Variants in ARHGAP20 observed in about 807,000 individuals in gnomAD.
ARHGAP20 encodes Rho GTPase activating protein 20, also known as rho GTPase-activating protein 20.
ARHGAP20 carries 34 observed loss-of-function variants against 73.7 expected under a neutral mutation model. The ratio of observed to expected loss-of-function variants is 0.46; its 90% CI spans 0.35 to 0.61. The LOEUF (loss-of-function observed/expected upper bound fraction) is 0.61. Ranked by LOEUF, ARHGAP20 falls within the 20% of genes least tolerant of loss-of-function variation. The pLI, the probability that ARHGAP20 is intolerant of heterozygous loss-of-function variation, is 0.00. For synonymous variants in ARHGAP20, 523 were observed against 518.2 expected, an observed-to-expected ratio of 1.01 and a Z score of -0.13; for missense variants, 1,314 against 1,420.9, an observed-to-expected ratio of 0.92 and a Z score of 1.21.
At chr11:110,675,710 G>A (rs373630059) in intron 2 of ARHGAP20, among the ~76,000 whole-genome samples, 25 of 152,180 alleles carry the variant, frequency 1.6e-4, no homozygotes, top group African/African-American at 4.3e-4. Context: ...AACAGGCCAC[G>A]GACCAATACC....
At chr11:110,678,376 C>T (rs1949974004) in intron 2 of ARHGAP20, among the ~76,000 whole-genome samples, 3 of 152,192 alleles carry the variant, frequency 2.0e-5, no homozygotes, top group Non-Finnish European at 4.4e-5. Flanking sequence ...ACTGTATCTC[C>T]ATAAAGATGT....
chr11:110,590,848 C>T (rs758461485), intron 10 of ARHGAP20, 39 bp from the exon 11 acceptor site: 1 of 1,584,646 alleles, frequency 6.3e-7, no homozygotes, highest in Non-Finnish European at 8.6e-7. Context: ...AATGACACTT[C>T]CACACACACA....
At chr11:110,712,559 T>G, upstream of ARHGAP20, 1 of 152,606 alleles carries the variant, frequency 6.6e-6, no homozygotes, top group Admixed American at 6.6e-5. Context: ...GCCTGGGCCC[T>G]CCTAGCCTCG....
At chr11:110,595,398 G>T (rs1018875420) in intron 9 of ARHGAP20, among the ~76,000 whole-genome samples, 1 of 152,128 alleles carries the variant, frequency 6.6e-6, no homozygotes, top group African/African-American at 2.4e-5. Flanking sequence ...AAAACCCCAT[G>T]GTCTCAGCCC....
At chr11:110,623,404 G>C (rs1948670445) in intron 4 of ARHGAP20, among the ~76,000 whole-genome samples, 1 of 152,176 alleles carries the variant, frequency 6.6e-6, no homozygotes, top group Non-Finnish European at 1.5e-5. Flanking sequence ...GAACTGGACA[G>C]TGCCAATAAA....
At chr11:110,627,247 C>T (rs1395233785) in intron 3 of ARHGAP20, among the ~76,000 whole-genome samples, 1 of 152,030 alleles carries the variant, frequency 6.6e-6, no homozygotes, top group African/African-American at 2.4e-5. Flanking sequence ...TGCCACTACG[C>T]CCGGCTAATT....
intron 1 of ARHGAP20, among the ~76,000 whole-genome samples, chr11:110,706,252 G>C (rs1415576855): frequency 2.0e-5 from 3 of 152,130 alleles, no homozygotes; most frequent in Non-Finnish European, 2.9e-5. Flanking sequence ...GTTGAAAAGA[G>C]AAATGGAGTT....
chr11:110,578,931 C>A lies in ARHGAP20; in HGVS notation c.*439G>T. 1 of 987,130 alleles carries A rather than the reference C, an allele frequency of 1.0e-6. No individual in the cohort carries two copies. The highest frequency in any genetic ancestry group is 1.2e-6 in the Non-Finnish European group (1 of 831,032). The allele number at this position is 987,130 out of a possible 1,614,324, so 61.1% of individuals were successfully genotyped here. A position where few individuals can be genotyped will look rare whatever the true frequency, so the allele number is the denominator to read the frequency against. ...TAATGCTTTGATTAGTGGCATTTTT[C>A]TTGCCTACTTATTAAAAACATTCCA... On this transcript the variant is annotated 3_prime_UTR_variant, in exon 15 of 15. Coordinates refer to ENST00000683387, the MANE Select transcript of ARHGAP20 (RefSeq NM_001384657.1).
chr11:110,669,757 C>T (rs971287645), intron 2 of ARHGAP20, among the ~76,000 whole-genome samples: 8 of 152,010 alleles, frequency 5.3e-5, no homozygotes, highest in Non-Finnish European at 8.8e-5. Context: ...TTTGGCAGTT[C>T]GTAATATATA....
intron 9 of ARHGAP20, among the ~76,000 whole-genome samples, chr11:110,604,255 C>T (rs1948172358): frequency 6.6e-6 from 1 of 152,146 alleles, no homozygotes; most frequent in African/African-American, 2.4e-5. Context: ...TAGTGGTTCA[C>T]CTGTAATTTT....
At chr11:110,598,744 T>C (rs562976741) in intron 9 of ARHGAP20, among the ~76,000 whole-genome samples, 86 of 152,218 alleles carry the variant, frequency 5.6e-4, no homozygotes, top group African/African-American at 2.0e-3. Context: ...GCAGGATTCA[T>C]GAAGCTGGCA....
rs189209476 is a variant in ARHGAP20 at position 110,702,058 on chromosome 11, C to T, written c.105+10069G>A. Reference sequence around the variant, plus strand: ...TTCTTTTGGCTTAGGATTGACTTGGCGATGCGGGCTCTTTTTTGGTTCCAT... The same window carrying T: ...TTCTTTTGGCTTAGGATTGACTTGGTGATGCGGGCTCTTTTTTGGTTCCAT... On this transcript the variant is annotated intron_variant, in intron 1 of 14. Transcript: ENST00000683387. Among the ~76,000 whole-genome samples the T allele has an allele frequency of 1.4e-3, 220 of 152,044 alleles. No homozygotes were observed. In the East Asian group the frequency reaches 0.022, roughly 15 times the overall value.
chr11:110,589,553 C>A, intron 11 of ARHGAP20: 1 of 985,424 alleles, frequency 1.0e-6, no homozygotes, highest in Non-Finnish European at 1.2e-6. Context: ...GCATTCCAAT[C>A]CTTTGGGAGG....
At chr11:110,646,851 T>C (rs936456991) in intron 2 of ARHGAP20, among the ~76,000 whole-genome samples, 15 of 151,976 alleles carry the variant, frequency 9.9e-5, no homozygotes, top group Admixed American at 1.3e-4. Context: ...CTGAGTGAGA[T>C]AGGAAGAGGG....
intron 9 of ARHGAP20, among the ~76,000 whole-genome samples, chr11:110,598,017 T>G (rs891172944): frequency 2.0e-5 from 3 of 152,228 alleles, no homozygotes; most frequent in Non-Finnish European, 4.4e-5. Flanking sequence ...CTGGCAAGAT[T>G]CAAGTTAGTG....
intron 2 of ARHGAP20, among the ~76,000 whole-genome samples, chr11:110,670,180 TCA>T (rs1387181197): frequency 4.6e-5 from 7 of 152,076 alleles, no homozygotes; most frequent in African/African-American, 7.2e-5. Context: ...TTCATCAAAA[TCA>T]CACACTTTAT....
chr11:110,611,185 G>T (rs186958284), intron 7 of ARHGAP20, 124 bp downstream of exon 7: 3 of 537,062 alleles, frequency 5.6e-6, no homozygotes, highest in Non-Finnish European at 9.6e-6. Flanking sequence ...CTATATTTTG[G>T]GGAATAAAAT....
In ARHGAP20 at chr11:110,580,622, T is replaced by A; in HGVS notation, c.2324A>T (p.Gln775Leu). The change falls in exon 15 of 15, where the codon CAA becomes CTA. Residue 775 changes from glutamine to leucine, a missense_variant. Gln to Leu is a moderately radical substitution (Grantham distance 113). Coordinates refer to ENST00000683387, the MANE Select transcript of ARHGAP20 (RefSeq NM_001384657.1). ...AGACAAGCTTTTCTTCTTAGTGTTT[T>A]GAGTAGTGGCATTTTTCTTGCTGAC... ...TDVSKKNATT[Q>L]NTKKKSLSGS... The A allele has an allele frequency of 6.2e-7, 1 of 1,614,274 alleles. No individual in the cohort carries two copies. Among genetic ancestry groups the A allele is most frequent in the Non-Finnish European group, 8.5e-7 (1 of 1,180,052 alleles).
At chr11:110,615,752 A>T (rs916582953) in intron 4 of ARHGAP20, among the ~76,000 whole-genome samples, 158 bp from the exon 5 acceptor site, 15 of 152,348 alleles carry the variant, frequency 9.8e-5, no homozygotes, top group Middle Eastern at 3.4e-3. Flanking sequence ...TGTTCTGGAG[A>T]ACTCTGCAGT....
Sources: allele counts gnomAD v4.1 joint callset (sites outside exome capture counted in the v4.1 genomes callset), GRCh38; gene constraint gnomAD v4.1.1; transcripts MANE v1.5; gene names NCBI Gene and HGNC (gene_info 2026-07-23, HGNC 2026-07-21).